The following C12orf56 variants were observed in gnomAD, a reference collection of about 807,000 sequenced individuals.
C12orf56 encodes the protein uncharacterized protein C12orf56.
A neutral mutation model predicts 69.9 loss-of-function variants in C12orf56; 71 were observed. That is an observed-to-expected ratio of 1.02 (90% confidence interval 0.84 to 1.24). C12orf56 has a LOEUF of 1.24. C12orf56 is among the 50% of genes most tolerant of loss of function. C12orf56 has a pLI of 0.00. For synonymous variants in C12orf56, 276 were observed against 274.1 expected (o/e 1.01, Z -0.07); for missense variants, 732 against 738.5 (o/e 0.99, Z 0.10).
intron 4 of C12orf56, 84 bp downstream of exon 4, chr12:64,318,491 G>T: frequency 8.3e-7 from 1 of 1,205,302 alleles, no homozygotes; most frequent in Non-Finnish European, 1.1e-6. Context: ...CAAAATGGGA[G>T]GTAAAGGAGG....
At chr12:64,275,003 T>G in intron 10 of C12orf56, 28 bp from the exon 11 acceptor site, 1 of 1,554,648 alleles carries the variant, frequency 6.4e-7, no homozygotes, top group Non-Finnish European at 8.9e-7. Flanking sequence ...ATAAACAAGT[T>G]ATATTCATAA....
chr12:64,309,972 TA>T (rs1428240335), intron 5 of C12orf56, among the ~76,000 whole-genome samples: 1 of 151,866 alleles, frequency 6.6e-6, no homozygotes, highest in African/African-American at 2.4e-5. Context: ...TTTAGTTATT[TA>T]CAACATGATC....
intron 3 of C12orf56, among the ~76,000 whole-genome samples, chr12:64,328,707 ATATAT>A (rs1477863188): frequency 1.8e-4 from 1 of 5,614 alleles, no homozygotes; most frequent in African/African-American, 6.7e-4. Context: ...AAAAAAAAAA[ATATAT>A]ATATATATAT....
At position 64,266,918 on chromosome 12, in the gene C12orf56, G is replaced by C. The variant is rs1372011985; in HGVS notation, c.*265C>G. 10 of 384,050 alleles carry C rather than the reference G, an allele frequency of 2.6e-5. No homozygotes were observed. Among genetic ancestry groups the C allele is most frequent in the Non-Finnish European group, 4.1e-5 (9 of 219,944 alleles). The allele number at this position is 384,050 out of a possible 1,614,324, so 23.8% of individuals were successfully genotyped here. A position where few individuals can be genotyped will look rare whatever the true frequency, so the allele number is the denominator to read the frequency against. On this transcript the variant is annotated 3_prime_UTR_variant, in exon 13 of 13. Transcript: ENST00000543942. ...GTCGTTTATTTTGTGGCAAGAGTGA[G>C]TTTGAAGAACTACTCTAATAAAGAA...
At chr12:64,330,050 G>A (rs2038909905) in intron 3 of C12orf56, among the ~76,000 whole-genome samples, 1 of 152,092 alleles carries the variant, frequency 6.6e-6, no homozygotes, top group East Asian at 1.9e-4. Context: ...CCAGTAATGG[G>A]ATGGCTGGGT....
intron 5 of C12orf56, among the ~76,000 whole-genome samples, chr12:64,307,874 GC>G (rs1321942038): frequency 6.6e-6 from 1 of 151,774 alleles, no homozygotes; most frequent in African/African-American, 2.4e-5. Context: ...TAATTAGCCA[GC>G]CATGGTAGTG....
intron 1 of C12orf56, among the ~76,000 whole-genome samples, chr12:64,389,898 G>A (rs781555832): frequency 1.3e-5 from 2 of 152,182 alleles, no homozygotes; most frequent in African/African-American, 4.8e-5. Context: ...TTATTTGCAC[G>A]GGTGTTGGCT....
intron 3 of C12orf56, among the ~76,000 whole-genome samples, chr12:64,322,358 A>G (rs1262468560): frequency 6.6e-6 from 1 of 152,146 alleles, no homozygotes; most frequent in Non-Finnish European, 1.5e-5. Context: ...TGAGCCATTC[A>G]GTGAATTTTT....
At chr12:64,319,120 G>T in intron 3 of C12orf56, 140 bp from the exon 4 acceptor site, 1 of 763,804 alleles carries the variant, frequency 1.3e-6, no homozygotes, top group Non-Finnish European at 2.0e-6. Context: ...ATTGAACCTC[G>T]CTGGTAATAA....
intron 1 of C12orf56, among the ~76,000 whole-genome samples, chr12:64,382,870 C>CAAAA (rs57099747): frequency 7.6e-6 from 1 of 132,142 alleles, no homozygotes; most frequent in East Asian, 2.2e-4. Flanking sequence ...GACTCCGTTT[C>CAAAA]AAAAAAAAAA....
chr12:64,332,198 G>A (rs1217686456), intron 2 of C12orf56, among the ~76,000 whole-genome samples: 1 of 151,464 alleles, frequency 6.6e-6, no homozygotes, highest in African/African-American at 2.4e-5. Context: ...CAGCTACTCA[G>A]GAGGCTGAGG....
At chr12:64,270,406 GA>G in intron 12 of C12orf56, 129 bp downstream of exon 12, 1 of 880,650 alleles carries the variant, frequency 1.1e-6, no homozygotes, top group East Asian at 2.9e-5. Flanking sequence ...ATCTCAAAAA[GA>G]ACAAACAAAC....
chr12:64,373,795 T>C (rs1192588883), intron 1 of C12orf56, among the ~76,000 whole-genome samples: 1 of 152,146 alleles, frequency 6.6e-6, no homozygotes, highest in East Asian at 1.9e-4. Flanking sequence ...GGGGTTAAAA[T>C]TTATTTATAT....
At chr12:64,374,347 TC>T (rs766249156) in intron 1 of C12orf56, among the ~76,000 whole-genome samples, 2 of 152,156 alleles carry the variant, frequency 1.3e-5, no homozygotes, top group Non-Finnish European at 2.9e-5. Flanking sequence ...GCTAAACTGG[TC>T]CTTGAACCTC....
At chr12:64,288,855 A>G (rs2136775714) in intron 6 of C12orf56, among the ~76,000 whole-genome samples, 1 of 151,514 alleles carries the variant, frequency 6.6e-6, no homozygotes, top group African/African-American at 2.4e-5. Context: ...TTCCATATGA[A>G]CTTTAAAGTA....
At position 64,274,906 on chromosome 12, in the gene C12orf56, G is replaced by A. The variant is rs2136748409; in HGVS notation, c.1579C>T (p.Pro527Ser). ...WIMSFLQSCP[P>S]IITFVASIVK... ...TTTGACTTCTAGATACTTACGATGG[G>A]AGGACAGCTTTGTAGAAAGGACATT... is the stretch of plus-strand genomic sequence containing the variant. Residue 527 changes from proline (P) to serine (S), a missense_variant, in exon 11 of 13, where the codon CCC becomes TCC. Pro to Ser is a moderately conservative substitution (Grantham distance 74, BLOSUM62 -1). Transcript: ENST00000543942. 6.2e-7 allele frequency: 1 copy of A among 1,607,808 alleles called. No homozygotes were observed. The highest frequency in any genetic ancestry group is 2.2e-5 in the East Asian group (1 of 44,738).
In C12orf56 at chr12:64,380,835, G is replaced by C. The variant is rs550547322; in HGVS notation, c.252+9479C>G. Reference sequence around the variant, plus strand: ...GGAGATGAGTCAAAGAGACAGCAGGGTTAAATCATGCAGGCTTTTGTAAGC... The same window carrying C: ...GGAGATGAGTCAAAGAGACAGCAGGCTTAAATCATGCAGGCTTTTGTAAGC... On this transcript the variant is annotated intron_variant, in intron 1 of 12. Transcript: ENST00000543942. 7.2e-5 allele frequency among the ~76,000 whole-genome samples: 11 copies of C among 152,298 alleles called. No homozygotes were observed. The South Asian group carries it at 2.3e-3, about 32-fold the overall frequency.
At chr12:64,320,162 G>A (rs2038752928) in intron 3 of C12orf56, among the ~76,000 whole-genome samples, 1 of 152,200 alleles carries the variant, frequency 6.6e-6, no homozygotes, top group African/African-American at 2.4e-5. Flanking sequence ...GGGTTACGCG[G>A]TTCTCTTCCG....
chr12:64,318,328 G>C (rs1025487626), intron 4 of C12orf56, among the ~76,000 whole-genome samples: 1 of 152,048 alleles, frequency 6.6e-6, no homozygotes, highest in Admixed American at 6.6e-5. Flanking sequence ...CTCCCAAAGT[G>C]CTGGGATTAC....
Sources: allele counts gnomAD v4.1 joint callset (sites outside exome capture counted in the v4.1 genomes callset), GRCh38; gene constraint gnomAD v4.1.1; transcripts MANE v1.5; gene names NCBI Gene and HGNC (gene_info 2026-07-23, HGNC 2026-07-21).